The following LRMDA variants were observed in gnomAD, a reference collection of about 807,000 sequenced individuals.
LRMDA encodes the protein leucine-rich melanocyte differentiation-associated protein.
A neutral mutation model predicts 29.8 loss-of-function variants in LRMDA; 18 were observed. The observed-to-expected ratio is 0.60, with a 90% confidence interval of 0.42 to 0.90. LRMDA has a LOEUF of 0.90. Ranked by LOEUF, LRMDA falls within the 40% of genes least tolerant of loss-of-function variation. The pLI is 0.00. For missense variants in LRMDA, 273 were observed against 273.9 expected (o/e 1.00, Z 0.02); for synonymous variants, 125 against 109.4 (o/e 1.14, Z -0.89).
chr10:76,257,031 T>G (rs1852607813), intron 5 of LRMDA, among the ~76,000 whole-genome samples: 1 of 152,214 alleles, frequency 6.6e-6, no homozygotes, highest in Non-Finnish European at 1.5e-5. Context: ...CATTTACTTG[T>G]TTTTAATATT....
intron 2 of LRMDA, among the ~76,000 whole-genome samples, chr10:75,494,515 C>CTTTTTTTTTTTTT (rs34902194): frequency 8.7e-5 from 9 of 102,866 alleles, no homozygotes; most frequent in Non-Finnish European, 1.3e-4. Context: ...ATGTTTGTTC[C>CTTTTTTTTTTTTT]TTTTTTTTTT....
At chr10:75,496,717 G>A (rs942258317) in intron 2 of LRMDA, among the ~76,000 whole-genome samples, 34 of 152,080 alleles carry the variant, frequency 2.2e-4, no homozygotes, top group Admixed American at 1.6e-3. Context: ...GCATACTTTC[G>A]GAAGTGCAGT....
chr10:75,525,091 G>T (rs1329683308), intron 2 of LRMDA, among the ~76,000 whole-genome samples: 1 of 152,150 alleles, frequency 6.6e-6, no homozygotes, highest in African/African-American at 2.4e-5. Flanking sequence ...CAGAGGTTTG[G>T]GTGATGATTT....
At chr10:76,004,654 A>T (rs949157819) in intron 2 of LRMDA, among the ~76,000 whole-genome samples, 1 of 151,820 alleles carries the variant, frequency 6.6e-6, no homozygotes, top group African/African-American at 2.4e-5. Context: ...TTTGTTGTCG[A>T]TAGTGTAGGG....
At chr10:76,348,441 A>G (rs934083716) in intron 6 of LRMDA, among the ~76,000 whole-genome samples, 3 of 152,236 alleles carry the variant, frequency 2.0e-5, no homozygotes, top group Non-Finnish European at 4.4e-5. Flanking sequence ...CGTATTTCCA[A>G]GGATTCTAAT....
intron 5 of LRMDA, among the ~76,000 whole-genome samples, chr10:76,300,570 T>C (rs748188856): frequency 6.6e-6 from 1 of 152,332 alleles, no homozygotes; most frequent in Non-Finnish European, 1.5e-5. Context: ...GTGTAACAGG[T>C]TCTCTGTCTT....
chr10:75,445,812 G>A (rs2132027258), intron 2 of LRMDA, among the ~76,000 whole-genome samples: 1 of 152,298 alleles, frequency 6.6e-6, no homozygotes, highest in East Asian at 1.9e-4. Flanking sequence ...AAAGCGAGAG[G>A]GTTTAATTGA....
At chr10:76,072,829 C>T (rs1381726400) in intron 5 of LRMDA, among the ~76,000 whole-genome samples, 2 of 152,238 alleles carry the variant, frequency 1.3e-5, no homozygotes, top group African/African-American at 4.8e-5. Flanking sequence ...CTCTTTATCA[C>T]AGCCTAAGGT....
intron 2 of LRMDA, among the ~76,000 whole-genome samples, chr10:75,769,972 G>C (rs1040614506): frequency 6.6e-6 from 1 of 152,108 alleles, no homozygotes; most frequent in Non-Finnish European, 1.5e-5. Flanking sequence ...GACAGAGCTA[G>C]ACTCTGTCTC....
chr10:75,821,663 G>C (rs1844161025), intron 2 of LRMDA, among the ~76,000 whole-genome samples: 1 of 152,104 alleles, frequency 6.6e-6, no homozygotes, highest in African/African-American at 2.4e-5. Context: ...CAGCTACTCA[G>C]GAGGCTGAGG....
At chr10:76,538,800 G>A (rs1341974095) in intron 6 of LRMDA, among the ~76,000 whole-genome samples, 7 of 151,620 alleles carry the variant, frequency 4.6e-5, no homozygotes, top group Admixed American at 4.6e-4. Context: ...TTTTTTTCCT[G>A]TGTTTGCATA....
intron 2 of LRMDA, among the ~76,000 whole-genome samples, chr10:75,710,021 A>G (rs1356733071): frequency 6.6e-6 from 1 of 152,224 alleles, no homozygotes; most frequent in Non-Finnish European, 1.5e-5. Flanking sequence ...AAGACGGTGC[A>G]GGTTGGTGTT....
At chr10:75,949,047 A>G (rs890217599) in intron 2 of LRMDA, among the ~76,000 whole-genome samples, 3 of 151,784 alleles carry the variant, frequency 2.0e-5, no homozygotes, top group African/African-American at 4.8e-5. Context: ...GTGTGTTTGT[A>G]TCTTGAGGGA....
At chr10:76,492,587 T>G (rs942816215) in intron 6 of LRMDA, among the ~76,000 whole-genome samples, 3 of 152,062 alleles carry the variant, frequency 2.0e-5, no homozygotes, top group Non-Finnish European at 4.4e-5. Context: ...AAACTGGGAC[T>G]CTGTTGGGTT....
chr10:76,517,939 C>CATATATAT (rs71024602), intron 6 of LRMDA, among the ~76,000 whole-genome samples: 91 of 144,258 alleles, frequency 6.3e-4, no homozygotes, highest in African/African-American at 2.1e-3. Flanking sequence ...TATATATAAA[C>CATATATAT]ATATATATAT....
intron 2 of LRMDA, among the ~76,000 whole-genome samples, chr10:75,741,576 G>C (rs879561319): frequency 3.9e-5 from 6 of 152,144 alleles, no homozygotes; most frequent in Non-Finnish European, 7.3e-5. Context: ...GTAGGATAAG[G>C]GAGCAAGGGT....
chr10:75,709,400 A>C (rs1013973800), intron 2 of LRMDA, among the ~76,000 whole-genome samples: 6 of 150,122 alleles, frequency 4.0e-5, no homozygotes, highest in Admixed American at 3.3e-4. Flanking sequence ...GTGTGTGTGC[A>C]TGTGTGTGTG....
chr10:76,263,234 A>G (rs1224848580), intron 5 of LRMDA, among the ~76,000 whole-genome samples: 3 of 152,134 alleles, frequency 2.0e-5, no homozygotes, highest in Admixed American at 6.5e-5. Context: ...AATATGCTTT[A>G]TTATAATCTG....
At chr10:75,988,255 G>A (rs1847296673) in intron 2 of LRMDA, among the ~76,000 whole-genome samples, 1 of 152,190 alleles carries the variant, frequency 6.6e-6, no homozygotes, top group Non-Finnish European at 1.5e-5. Flanking sequence ...CTATACTGAT[G>A]GCTGCAAAGG....
Sources: allele counts gnomAD v4.1 joint callset (sites outside exome capture counted in the v4.1 genomes callset), GRCh38; gene constraint gnomAD v4.1.1; transcripts MANE v1.5; gene names NCBI Gene and HGNC (gene_info 2026-07-23, HGNC 2026-07-21).